Variants in LPCAT1 observed in about 807,000 individuals in gnomAD.
The protein encoded by LPCAT1 is 1-acylglycerol-3-phosphate O-acyltransferase.
LPCAT1 carries 23 observed loss-of-function variants against 60.9 expected under a neutral mutation model. That is an observed-to-expected ratio of 0.38 (90% CI 0.27 to 0.53). The LOEUF (loss-of-function observed/expected upper bound fraction) is 0.53. Ranked by LOEUF, LPCAT1 falls within the 20% of genes least tolerant of loss-of-function variation. The pLI, the probability that LPCAT1 is intolerant of heterozygous loss-of-function variation, is 0.82. For missense variants in LPCAT1, 622 were observed against 723.6 expected, an observed-to-expected ratio of 0.86 and a Z score of 1.61; for synonymous variants, 340 against 301.1, an observed-to-expected ratio of 1.13 and a Z score of -1.34.
chr5:1,508,435 C>G (rs572067894), intron 1 of LPCAT1, among the ~76,000 whole-genome samples: 13 of 152,260 alleles, frequency 8.5e-5, no homozygotes, highest in African/African-American at 1.7e-4. Context: ...CTGAGCCAAC[C>G]TGCCTGGTGT....
At position 1,470,763 on chromosome 5, in the gene LPCAT1, A is replaced by G. The variant is rs1579758083; in HGVS notation, c.1278+63T>C. The G allele has an allele frequency of 1.6e-5, 20 of 1,240,634 alleles. No individual in the cohort carries two copies. The East Asian group carries it at 2.5e-4, about 15-fold the overall frequency. The allele number at this position is 1,240,634 out of a possible 1,614,324, so 76.9% of individuals were successfully genotyped here. Reference sequence around the variant, plus strand: ...TTATAAGGAACTAGAGAAATGAACAATGGTGCTGACGTGACTGCACCGCCC... The same window carrying G: ...TTATAAGGAACTAGAGAAATGAACAGTGGTGCTGACGTGACTGCACCGCCC... On this transcript the variant is annotated intron_variant, in intron 12 of 13. Transcript: ENST00000283415.
Position 1,482,716 on chromosome 5 carries a change from C to CTGGGGTGGGG in LPCAT1, c.726+702_726+711dup, listed in dbSNP as rs527826129. Among the ~76,000 whole-genome samples, 12 of 25,786 alleles carry CTGGGGTGGGG rather than the reference C, an allele frequency of 4.7e-4. 1 individual carries two copies. Among genetic ancestry groups the CTGGGGTGGGG allele is most frequent in the African/African-American group, 7.3e-4 (9 of 12,310 alleles). The allele number at this position is 25,786 out of a possible 152,430, so 16.9% of individuals were successfully genotyped here. On this transcript the variant is annotated intron_variant, in intron 6 of 13. Transcript: ENST00000283415. ...GTGGGGTGTGATGGGCCAGGGCAGG[C>CTGGGGTGGGG]TGGGGTGGGGTGGGGTGGGGTGTGG...
intron 1 of LPCAT1, 104 bp from the exon 2 acceptor site, chr5:1,501,707 G>A: frequency 1.7e-6 from 2 of 1,160,004 alleles, no homozygotes; most frequent in South Asian, 1.4e-5. Context: ...CCACAGAGTG[G>A]AGAGCTGGGG....
chr5:1,517,438 C>G (rs1276633168), intron 1 of LPCAT1, among the ~76,000 whole-genome samples: 1 of 152,188 alleles, frequency 6.6e-6, no homozygotes, highest in African/African-American at 2.4e-5. Context: ...GGCGCCTTCT[C>G]AGACAAGAGC....
Position 1,523,730 on chromosome 5 carries a change from T to A in LPCAT1, c.115A>T (p.Ser39Cys). Reference sequence around the variant, plus strand: ...CCCACCTGGGCCTTCTGCAGGGCGCTGAGGCGCAGCTCGTGCACGAAGGGG... The same window carrying A: ...CCCACCTGGGCCTTCTGCAGGGCGCAGAGGCGCAGCTCGTGCACGAAGGGG... The part of the protein sequence containing the change: ...RNPFVHELRL[S>C]ALQKAQVALM... The change falls in exon 1 of 14, where the codon AGC becomes TGC. Residue 39 changes from serine (S) to cysteine (C), a missense_variant. By Grantham distance (112) the Ser-to-Cys change is moderately radical. This residue lies in a region of LPCAT1 where 125 missense variants were observed against 114.5 expected (regional missense o/e 1.09). Transcript: ENST00000283415. This position sits in a 1 kb window ranked among gnomAD's most constrained non-coding sequence, Gnocchi z 7.1. 8.5e-7 allele frequency: 1 copy of A among 1,171,476 alleles called. No homozygotes were observed. Among genetic ancestry groups the A allele is most frequent in the Non-Finnish European group, 1.1e-6 (1 of 942,308 alleles). 72.6% of individuals were successfully genotyped at this position (1,171,476 alleles called of 1,614,324 possible). A position where few individuals can be genotyped will look rare whatever the true frequency, so the allele number is the denominator to read the frequency against.
intron 1 of LPCAT1, among the ~76,000 whole-genome samples, chr5:1,520,627 G>A (rs1415962641): frequency 6.6e-6 from 1 of 152,112 alleles, no homozygotes; most frequent in African/African-American, 2.4e-5. Flanking sequence ...TTGGGAGGCC[G>A]AGGCGGGAGG....
Position 1,466,738 on chromosome 5 carries a change from T to G in LPCAT1, c.1420+11A>C, listed in dbSNP as rs757796764. Reference sequence around the variant, plus strand: ...AGGGTCGCGAGGACGACCCCACTCCTGCGGGCTCACCGAATGTGATCTTCC... The same window carrying G: ...AGGGTCGCGAGGACGACCCCACTCCGGCGGGCTCACCGAATGTGATCTTCC... On this transcript the variant is annotated intron_variant, in intron 13 of 13. Coordinates refer to ENST00000283415, the MANE Select transcript of LPCAT1 (RefSeq NM_024830.5). The G allele has an allele frequency of 5.6e-6, 9 of 1,607,558 alleles. No homozygotes were observed. Among genetic ancestry groups the G allele is most frequent in the Non-Finnish European group, 6.8e-6 (8 of 1,176,096 alleles).
At chr5:1,514,779 C>T (rs1167967605) in intron 1 of LPCAT1, among the ~76,000 whole-genome samples, 2 of 152,094 alleles carry the variant, frequency 1.3e-5, no homozygotes, top group Non-Finnish European at 2.9e-5. Context: ...AAAAGGTCCC[C>T]CTGCGTGCTC....
intron 2 of LPCAT1, among the ~76,000 whole-genome samples, chr5:1,500,521 C>T (rs1579800761): frequency 6.6e-6 from 1 of 151,864 alleles, no homozygotes; most frequent in African/African-American, 2.4e-5. Context: ...GAAAGACGGC[C>T]CTGGAGGGGT....
intron 10 of LPCAT1, 26 bp downstream of exon 10, chr5:1,474,534 T>C: frequency 1.2e-6 from 2 of 1,612,686 alleles, no homozygotes; most frequent in Non-Finnish European, 1.7e-6. Flanking sequence ...TAGCTAATGC[T>C]CAAGGAAGAA....
At position 1,466,878 on chromosome 5, in the gene LPCAT1, G is replaced by C; in HGVS notation, c.1291C>G (p.Gln431Glu). Residue 431 changes from glutamine to glutamate, a missense_variant, in exon 13 of 14, where the codon CAA becomes GAA. Physicochemically the swap from Gln to Glu is conservative, Grantham distance 29 (BLOSUM62 2). This residue lies in a region of LPCAT1 where 288 missense variants were observed against 283.6 expected (regional missense o/e 1.02). Coordinates refer to ENST00000283415, the MANE Select transcript of LPCAT1 (RefSeq NM_024830.5). ...CCTTCGCCGACGCTGCCGTCCTCTT[G>C]CGCTCCGTACATCTGCAAGGCAAAC... ...IQLAFKMYGA[Q>E]EDGSVGEGDL... 6.2e-7 allele frequency: 1 copy of C among 1,602,856 alleles called. No individual in the cohort carries two copies. Among genetic ancestry groups the C allele is most frequent in the South Asian group, 1.1e-5 (1 of 89,892 alleles).
chr5:1,493,881 C>G (rs2126564199), intron 3 of LPCAT1, among the ~76,000 whole-genome samples: 1 of 152,372 alleles, frequency 6.6e-6, no homozygotes, highest in Middle Eastern at 3.4e-3. Context: ...AAGATGAGAG[C>G]ATCCTGGATC....
In LPCAT1 at chr5:1,501,450, G is replaced by A. The variant is rs372552647; in HGVS notation, c.278+11C>T. The A allele has an allele frequency of 1.0e-4, 167 of 1,604,452 alleles. No individual in the cohort carries two copies. The highest frequency in any genetic ancestry group is 9.5e-4 in the African/African-American group (71 of 74,890). On this transcript the variant is annotated intron_variant, in intron 2 of 13. Coordinates refer to ENST00000283415, the MANE Select transcript of LPCAT1 (RefSeq NM_024830.5). ...CCCCCAGGAGGAGAGCACGGCACAC[G>A]CGCAACTTACTTCCTCCACAGGGCC...
chr5:1,489,046 GC>G lies in LPCAT1; in HGVS notation c.607-596del, dbSNP rs538961645. 2.0e-5 allele frequency among the ~76,000 whole-genome samples: 3 copies of G among 152,324 alleles called. No individual in the cohort carries two copies. The South Asian group carries it at 6.2e-4, about 32-fold the overall frequency. ...CCCCGCAGGCTGCTTTCAGTTCTGG[GC>G]CCCGTGAGGAAGACAGACCTCAGGG... On this transcript the variant is annotated intron_variant, in intron 4 of 13. Coordinates refer to ENST00000283415, the MANE Select transcript of LPCAT1 (RefSeq NM_024830.5).
At chr5:1,489,628 G>A in intron 4 of LPCAT1, 118 bp downstream of exon 4, 1 of 820,878 alleles carries the variant, frequency 1.2e-6, no homozygotes, top group Non-Finnish European at 2.1e-6. Flanking sequence ...CACTCACTAG[G>A]AGAAGAGAAT....
rs556611729 is a variant in LPCAT1, at chr5:1,462,184, C to T, written c.*1467G>A. 2.6e-5 allele frequency: 4 copies of T among 152,450 alleles called. No homozygotes were observed. In the East Asian group the frequency reaches 5.8e-4, roughly 22 times the overall value. The allele number at this position is 152,450 out of a possible 1,614,324, so 9.4% of individuals were successfully genotyped here. A position where few individuals can be genotyped will look rare whatever the true frequency, so the allele number is the denominator to read the frequency against. On this transcript the variant is annotated 3_prime_UTR_variant, in exon 14 of 14. Coordinates refer to ENST00000283415, the MANE Select transcript of LPCAT1 (RefSeq NM_024830.5). ...TGGTGGTCACTTTCTATAGAGATGCCCCAAATATAAAAATCAATTCATTTC... is the reference window on the plus strand; with the variant it reads ...TGGTGGTCACTTTCTATAGAGATGCTCCAAATATAAAAATCAATTCATTTC...
At chr5:1,472,215 G>C (rs1425851462) in intron 11 of LPCAT1, among the ~76,000 whole-genome samples, 2 of 151,654 alleles carry the variant, frequency 1.3e-5, no homozygotes, top group African/African-American at 4.8e-5. Context: ...GAGCACCCAG[G>C]GGCGGAGGGA....
intron 6 of LPCAT1, among the ~76,000 whole-genome samples, chr5:1,482,384 T>G (rs906804873): frequency 1.0e-5 from 1 of 97,532 alleles, no homozygotes; most frequent in Non-Finnish European, 2.0e-5. Flanking sequence ...GTGTGGAAAC[T>G]GAGGCAGGAC....
At chr5:1,467,388 C>T (rs1734462414) in intron 12 of LPCAT1, 2 of 153,314 alleles carry the variant, frequency 1.3e-5, no homozygotes, top group South Asian at 4.1e-4. Context: ...ATGAGAAGGA[C>T]CTGGGAGGGC....
Sources: gnomAD v4.1 joint callset for allele counts (sites outside exome capture counted in the v4.1 genomes callset) on GRCh38, gnomAD v4.1.1 for gene constraint, gnomAD v4.1.1 regional missense constraint, Gnocchi (gnomAD v3.1) non-coding constraint, MANE v1.5 for transcripts, NCBI Gene and HGNC (gene_info 2026-07-23, HGNC 2026-07-21) for gene names.